The following SFMBT2 variants were observed in gnomAD, a reference collection of about 807,000 sequenced individuals.
The protein encoded by SFMBT2 is Scm like with four mbt domains 2.
In SFMBT2, 38 loss-of-function variants were observed where a neutral mutation model predicts 110.1. The observed-to-expected ratio is 0.35, with a 90% CI of 0.27 to 0.45. The LOEUF (loss-of-function observed/expected upper bound fraction) is 0.45, where lower values mean the gene tolerates loss of function less well. Among genes scored for constraint, SFMBT2 ranks in the 20% least tolerant of loss-of-function variants. The pLI is 1.00. For synonymous variants in SFMBT2, 425 were observed against 425.4 expected, an observed-to-expected ratio of 1.00 and a Z score of 0.01; for missense variants, 1,011 against 1,094.9, an observed-to-expected ratio of 0.92 and a Z score of 1.08.
intron 9 of SFMBT2, among the ~76,000 whole-genome samples, chr10:7,237,839 G>C (rs1374674279): frequency 6.6e-6 from 1 of 152,198 alleles, no homozygotes; most frequent in Non-Finnish European, 1.5e-5. Flanking sequence ...AATGTTGGGA[G>C]TGGTGGTTTG....
chr10:7,381,322 C>G (rs926482923), intron 2 of SFMBT2, among the ~76,000 whole-genome samples: 21 of 152,204 alleles, frequency 1.4e-4, no homozygotes, highest in Admixed American at 1.0e-3. Context: ...GTCTCTCTCT[C>G]TCCAGCACTT....
At chr10:7,230,244 GC>G (rs1840076727) in intron 9 of SFMBT2, among the ~76,000 whole-genome samples, 1 of 151,940 alleles carries the variant, frequency 6.6e-6, no homozygotes, top group Non-Finnish European at 1.5e-5. Context: ...CCTTTCTCCT[GC>G]CCTTCTCTCT....
At position 7,170,957 on chromosome 10, in the gene SFMBT2, C is replaced by A; in HGVS notation, c.2515G>T (p.Ala839Ser). The change falls in exon 20 of 21, where the codon GCC becomes TCC. Residue 839 changes from alanine (A) to serine (S), a missense_variant. Coordinates refer to ENST00000397167, the MANE Select transcript of SFMBT2 (RefSeq NM_001387889.1). The surrounding 1 kb of genome is among the most constrained non-coding windows in gnomAD (Gnocchi z 4.6). ...TCCTGAAATATCTTGGCCAAGGGGG[C>A]ACAGTCTGTCAGCTTAATGAACCTC... Reference protein sequence around the residue: ...VVRFIKLTDCAPLAKIFQEQD... With the variant: ...VVRFIKLTDCSPLAKIFQEQD... 6.2e-7 allele frequency: 1 copy of A among 1,614,208 alleles called. No individual in the cohort carries two copies. The highest frequency in any genetic ancestry group is 8.5e-7 in the Non-Finnish European group (1 of 1,180,026).
intron 4 of SFMBT2, among the ~76,000 whole-genome samples, chr10:7,335,529 T>A (rs1281626016): frequency 6.7e-6 from 1 of 148,666 alleles, no homozygotes; most frequent in African/African-American, 2.5e-5. Context: ...TCCAATAAAT[T>A]TCTCTTTCTC....
In SFMBT2 at chr10:7,205,827, G is replaced by A. The variant is rs891427333; in HGVS notation, c.1432C>T (p.His478Tyr). 6.2e-7 allele frequency: 1 copy of A among 1,614,042 alleles called. No individual in the cohort carries two copies. Among genetic ancestry groups the A allele is most frequent in the Non-Finnish European group, 8.5e-7 (1 of 1,179,934 alleles). Residue 478 changes from histidine to tyrosine, a missense_variant, in exon 12 of 21, where the codon CAC (histidine) becomes TAC (tyrosine). His to Tyr is a moderately conservative substitution (Grantham distance 83). This residue lies in a region of SFMBT2 where 979 missense variants were observed against 1,016.1 expected (regional missense o/e 0.96). Coordinates refer to ENST00000397167, the MANE Select transcript of SFMBT2 (RefSeq NM_001387889.1). Reference protein sequence around the residue: ...EANSYPLTAPHKTVSQKKRKI... With the variant: ...EANSYPLTAPYKTVSQKKRKI... ...GGGAACCACTTACAGACTGTTTTGT[G>A]TGGTGCAGTCAAAGGATAAGAATTG...
intron 10 of SFMBT2, among the ~76,000 whole-genome samples, chr10:7,221,792 T>A (rs1839751054): frequency 6.6e-6 from 1 of 152,172 alleles, no homozygotes; most frequent in Admixed American, 6.5e-5. Context: ...TAAAATTCAG[T>A]CTTTTGGGTA....
intron 4 of SFMBT2, among the ~76,000 whole-genome samples, chr10:7,341,952 C>A (rs746484763): frequency 6.6e-6 from 1 of 152,106 alleles, no homozygotes; most frequent in South Asian, 2.1e-4. Context: ...GGAAAGGTGC[C>A]AACCAGAGCA....
intron 16 of SFMBT2, among the ~76,000 whole-genome samples, chr10:7,178,438 A>C (rs1159812433): frequency 6.6e-6 from 1 of 152,156 alleles, no homozygotes; most frequent in African/African-American, 2.4e-5. Context: ...GAATCCAAAA[A>C]CGTCAACAAA....
intron 7 of SFMBT2, among the ~76,000 whole-genome samples, chr10:7,272,209 C>G (rs1841607170): frequency 6.6e-6 from 1 of 152,168 alleles, no homozygotes; most frequent in African/African-American, 2.4e-5. Flanking sequence ...AAACAGCAGG[C>G]TGAAAACCCA....
chr10:7,374,222 A>G (rs1845140106), intron 2 of SFMBT2, among the ~76,000 whole-genome samples: 1 of 152,190 alleles, frequency 6.6e-6, no homozygotes, highest in South Asian at 2.1e-4. Flanking sequence ...AGATGGTGCC[A>G]CTACACTCTA....
rs747542096 is a variant in SFMBT2, at chr10:7,171,032, TCTC to T, written c.2437_2439del (p.Glu813del). 32 of 1,613,712 alleles carry T rather than the reference TCTC, an allele frequency of 2.0e-5. No homozygotes were observed. The highest frequency in any genetic ancestry group is 3.3e-4 in the Middle Eastern group (2 of 6,084). On this transcript the variant is annotated inframe_deletion, in exon 20 of 21. Coordinates refer to ENST00000397167, the MANE Select transcript of SFMBT2 (RefSeq NM_001387889.1). The surrounding 1 kb of genome is among the most constrained non-coding windows in gnomAD (Gnocchi z 4.9). ...AACGGGTTGCTCTCCAGAACCAGTCTCTCCTCCTCCTCCTGTTTCGTGTCCTGC... is the reference window on the plus strand; with the variant it reads ...AACGGGTTGCTCTCCAGAACCAGTCTCTCCTCCTCCTGTTTCGTGTCCTGC...
At chr10:7,340,246 G>A (rs568482694) in intron 4 of SFMBT2, among the ~76,000 whole-genome samples, 70 of 152,186 alleles carry the variant, frequency 4.6e-4, no homozygotes, top group African/African-American at 1.3e-3. Flanking sequence ...CAGTGGAAGC[G>A]GATGATCGTA....
At chr10:7,378,675 TGTGGATGG>T (rs1268950702) in intron 2 of SFMBT2, among the ~76,000 whole-genome samples, 4 of 137,762 alleles carry the variant, frequency 2.9e-5, no homozygotes, top group African/African-American at 1.1e-4. Context: ...TGGGTGTATG[TGTGGATGG>T]GTGGATGGTC....
At chr10:7,194,663 G>C (rs1205338633) in intron 15 of SFMBT2, among the ~76,000 whole-genome samples, 1 of 152,206 alleles carries the variant, frequency 6.6e-6, no homozygotes, top group Non-Finnish European at 1.5e-5. Flanking sequence ...GTAAATATTA[G>C]CTTGGTGGCA....
Position 7,320,490 on chromosome 10 carries a change from A to G in SFMBT2, c.437-34536T>C, listed in dbSNP as rs191029797. Reference sequence around the variant, plus strand: ...ATCCTTTGAAATCTTCTTTCCTTCTATTTTTTTCCTGGAGAATCACTGGAG... The same window carrying G: ...ATCCTTTGAAATCTTCTTTCCTTCTGTTTTTTTCCTGGAGAATCACTGGAG... On this transcript the variant is annotated intron_variant, in intron 4 of 20. Coordinates refer to ENST00000397167, the MANE Select transcript of SFMBT2 (RefSeq NM_001387889.1). 5,639 of 638,958 alleles carry G rather than the reference A, an allele frequency of 8.8e-3. 32 individuals are homozygous for G. Among genetic ancestry groups the G allele is most frequent in the Non-Finnish European group, 9.8e-3 (5,058 of 513,700 alleles). 39.6% of individuals were successfully genotyped at this position (638,958 alleles called of 1,614,324 possible). A position where few individuals can be genotyped will look rare whatever the true frequency, so the allele number is the denominator to read the frequency against.
At chr10:7,230,489 G>A (rs948372261) in intron 9 of SFMBT2, among the ~76,000 whole-genome samples, 2 of 152,144 alleles carry the variant, frequency 1.3e-5, no homozygotes, top group Non-Finnish European at 2.9e-5. Context: ...CACGTCAAAC[G>A]GAGAAGTTTC....
chr10:7,344,725 G>C (rs1419425430), intron 4 of SFMBT2, among the ~76,000 whole-genome samples: 1 of 151,940 alleles, frequency 6.6e-6, no homozygotes, highest in East Asian at 1.9e-4. Flanking sequence ...CCAGCACTTT[G>C]GGAGGCCAAG....
Position 7,170,698 on chromosome 10 carries a change from C to G in SFMBT2, c.2544+230G>C, listed in dbSNP as rs558293693. ...CCTGGAAGAGTCACCCCTCCGCCCC[C>G]CACCATGGCACTGGTGGGGCCTGAG... On this transcript the variant is annotated intron_variant, in intron 20 of 20. Coordinates refer to ENST00000397167, the MANE Select transcript of SFMBT2 (RefSeq NM_001387889.1). The surrounding 1 kb of genome is among the most constrained non-coding windows in gnomAD (Gnocchi z 4.6). Among the ~76,000 whole-genome samples the G allele has an allele frequency of 6.6e-6, 1 of 152,240 alleles. No individual in the cohort carries two copies. Among genetic ancestry groups the G allele is most frequent in the East Asian group, 1.9e-4 (1 of 5,170 alleles).
At chr10:7,202,352 A>C (rs1324899948) in intron 13 of SFMBT2, 128 bp downstream of exon 13, 1 of 1,174,372 alleles carries the variant, frequency 8.5e-7, no homozygotes, top group Non-Finnish European at 1.3e-6. Context: ...ACTATGTTTT[A>C]CTGCTACCTC....
Sources: allele counts gnomAD v4.1 joint callset (sites outside exome capture counted in the v4.1 genomes callset), GRCh38; gene constraint gnomAD v4.1.1; regional missense constraint gnomAD v4.1.1; non-coding constraint Gnocchi (gnomAD v3.1); transcripts MANE v1.5; gene names NCBI Gene and HGNC (gene_info 2026-07-23, HGNC 2026-07-21).